DLGAP1: variants seen among roughly 807,000 people sequenced by gnomAD.
DLGAP1 encodes the protein disks large-associated protein 1.
In DLGAP1, 11 loss-of-function variants were observed where a neutral mutation model predicts 90.8. The ratio of observed to expected loss-of-function variants is 0.12; its 90% CI spans 0.08 to 0.20. The LOEUF (loss-of-function observed/expected upper bound fraction) is 0.20, where lower values mean the gene tolerates loss of function less well. Among genes scored for constraint, DLGAP1 ranks in the 10% least tolerant of loss-of-function variants. DLGAP1 has a pLI of 1.00. For synonymous variants in DLGAP1, 558 were observed against 540.7 expected, an observed-to-expected ratio of 1.03 and a Z score of -0.44; for missense variants, 1,050 against 1,333.8, an observed-to-expected ratio of 0.79 and a Z score of 3.31.
intron 7 of DLGAP1, among the ~76,000 whole-genome samples, chr18:3,659,869 C>A (rs2059629195): frequency 1.3e-5 from 2 of 152,022 alleles, no homozygotes; most frequent in Admixed American, 6.6e-5. Context: ...CGGCCTATTT[C>A]CCTATTTCTT....
In DLGAP1 at chr18:3,711,778, G is replaced by A. The variant is rs941404156; in HGVS notation, c.1591+17357C>T. Among the ~76,000 whole-genome samples the A allele has an allele frequency of 2.6e-5, 4 of 152,198 alleles. No homozygotes were observed. The highest frequency in any genetic ancestry group is 3.9e-4 in the East Asian group (2 of 5,192). ...TGCTTGAGCCCGGGAGATCAAGGCT[G>A]TTGTGAGCCATGATCATGCCACTGC... On this transcript the variant is annotated intron_variant, in intron 7 of 12. Coordinates refer to ENST00000315677, the MANE Select transcript of DLGAP1 (RefSeq NM_004746.4). This position sits in a 1 kb window ranked among gnomAD's most constrained non-coding sequence, Gnocchi z 4.0.
At chr18:3,876,012 A>C (rs1336101052) in intron 4 of DLGAP1, among the ~76,000 whole-genome samples, 2 of 147,304 alleles carry the variant, frequency 1.4e-5, no homozygotes, top group Non-Finnish European at 3.0e-5. Flanking sequence ...TTGGCAATTA[A>C]GGCAATAGAG....
chr18:3,549,559 C>T (rs2053258657), intron 9 of DLGAP1, among the ~76,000 whole-genome samples: 4 of 152,176 alleles, frequency 2.6e-5, no homozygotes, highest in Admixed American at 2.6e-4. Flanking sequence ...TCTCGAAATC[C>T]TGACCTCGTG....
At chr18:3,826,646 T>A (rs1351464955) in intron 4 of DLGAP1, among the ~76,000 whole-genome samples, 1 of 151,928 alleles carries the variant, frequency 6.6e-6, no homozygotes, top group African/African-American at 2.4e-5. Context: ...GGACAGTGAT[T>A]TGGGGAGTGT....
At chr18:4,251,481 C>T (rs957289646) in intron 1 of DLGAP1, among the ~76,000 whole-genome samples, 17 of 152,148 alleles carry the variant, frequency 1.1e-4, no homozygotes, top group African/African-American at 3.4e-4. Context: ...ACAACAATCT[C>T]CTTGGAGAGT....
At chr18:3,684,356 A>ATT (rs71160911) in intron 7 of DLGAP1, among the ~76,000 whole-genome samples, 1,710 of 109,202 alleles carry the variant, frequency 0.016, 43 homozygotes, top group African/African-American at 0.043. Flanking sequence ...TGCCTGGCTA[A>ATT]TTTTTTTTTT....
chr18:3,864,468 T>C (rs1260152841), intron 4 of DLGAP1, among the ~76,000 whole-genome samples: 1 of 152,236 alleles, frequency 6.6e-6, no homozygotes, highest in African/African-American at 2.4e-5. Flanking sequence ...CATGCCATAT[T>C]AGGACTAACC....
intron 2 of DLGAP1, among the ~76,000 whole-genome samples, chr18:4,086,114 G>A (rs1481407663): frequency 2.6e-5 from 4 of 152,184 alleles, no homozygotes; most frequent in South Asian, 2.1e-4. Context: ...GACAATCTGA[G>A]CTGTGATAAA....
chr18:3,751,861 ACTTCTTCTT>A (rs376133799), intron 5 of DLGAP1, among the ~76,000 whole-genome samples: 3 of 114,988 alleles, frequency 2.6e-5, no homozygotes, highest in South Asian at 5.7e-4. Context: ...CTGTGCCCGG[ACTTCTTCTT>A]CTTCTTCTTC....
At chr18:3,835,413 G>A (rs2068309957) in intron 4 of DLGAP1, among the ~76,000 whole-genome samples, 1 of 152,074 alleles carries the variant, frequency 6.6e-6, no homozygotes, top group Non-Finnish European at 1.5e-5. Flanking sequence ...CACTTTGGGA[G>A]GCTGAGGGGG....
intron 7 of DLGAP1, among the ~76,000 whole-genome samples, chr18:3,687,162 T>C (rs342503): frequency 0.31 from 47,677 of 152,090 alleles, 9,572 homozygotes; most frequent in African/African-American, 0.56. Flanking sequence ...GTGAGACCTG[T>C]ATCGGACTTC....
chr18:3,706,849 T>C (rs2061448701), intron 7 of DLGAP1, among the ~76,000 whole-genome samples: 3 of 151,962 alleles, frequency 2.0e-5, no homozygotes, highest in Admixed American at 1.3e-4. Flanking sequence ...TACGTCCTGG[T>C]AGAAAAAAGT....
chr18:3,967,766 G>A (rs2073359923), intron 3 of DLGAP1, among the ~76,000 whole-genome samples: 1 of 152,068 alleles, frequency 6.6e-6, no homozygotes, highest in African/African-American at 2.4e-5. Flanking sequence ...ACTATGTGGA[G>A]CTATTTTTAA....
At chr18:4,031,094 G>A (rs1245228100) in intron 2 of DLGAP1, among the ~76,000 whole-genome samples, 2 of 151,956 alleles carry the variant, frequency 1.3e-5, no homozygotes, top group African/African-American at 2.4e-5. Context: ...CATTCCTATT[G>A]AAGTCAGCAG....
At chr18:3,574,963 C>T (rs946506980) in intron 8 of DLGAP1, among the ~76,000 whole-genome samples, 89 of 151,456 alleles carry the variant, frequency 5.9e-4, no homozygotes, top group African/African-American at 1.8e-3. Context: ...TACAGGCGCC[C>T]GCCACCACGC....
intron 3 of DLGAP1, among the ~76,000 whole-genome samples, chr18:3,951,336 C>A (rs2148965336): frequency 6.6e-6 from 1 of 152,310 alleles, no homozygotes; most frequent in Admixed American, 6.5e-5. Flanking sequence ...AAGTTCATAT[C>A]TTCTAATTCT....
intron 1 of DLGAP1, among the ~76,000 whole-genome samples, chr18:4,390,645 C>T (rs1369574156): frequency 6.6e-6 from 1 of 152,126 alleles, no homozygotes; most frequent in Non-Finnish European, 1.5e-5. Flanking sequence ...AGATTATTTT[C>T]TTTCACTTAG....
At chr18:3,961,936 T>C (rs1009293761) in intron 3 of DLGAP1, among the ~76,000 whole-genome samples, 2 of 152,186 alleles carry the variant, frequency 1.3e-5, no homozygotes, top group Non-Finnish European at 2.9e-5. Flanking sequence ...GGATGCAGGA[T>C]GCTAACATGA....
chr18:3,638,581 T>C (rs1270057338), intron 7 of DLGAP1, among the ~76,000 whole-genome samples: 1 of 152,228 alleles, frequency 6.6e-6, no homozygotes, highest in Non-Finnish European at 1.5e-5. Flanking sequence ...TTTTATATTT[T>C]GTTTTTCTTC....
Sources: allele counts gnomAD v4.1 joint callset (sites outside exome capture counted in the v4.1 genomes callset), GRCh38; gene constraint gnomAD v4.1.1; non-coding constraint Gnocchi (gnomAD v3.1); transcripts MANE v1.5; gene names NCBI Gene and HGNC (gene_info 2026-07-23, HGNC 2026-07-21).